Variants in FOXN3 observed in about 807,000 individuals in gnomAD.
FOXN3 encodes forkhead box N3, also known as forkhead box protein N3.
In FOXN3, 7 loss-of-function variants were observed where a neutral mutation model predicts 38.4. The ratio of observed to expected loss-of-function variants is 0.18; its 90% CI spans 0.10 to 0.34. FOXN3 has a LOEUF of 0.34. Among genes scored for constraint, FOXN3 ranks in the 10% least tolerant of loss-of-function variants. The pLI is 1.00. For synonymous variants in FOXN3, 230 were observed against 242.2 expected (o/e 0.95, Z 0.47); for missense variants, 456 against 613.4 (o/e 0.74, Z 2.71).
At chr14:89,557,680 C>A (rs188017184) in intron 1 of FOXN3, among the ~76,000 whole-genome samples, 1 of 152,270 alleles carries the variant, frequency 6.6e-6, no homozygotes, top group Non-Finnish European at 1.5e-5. Context: ...TGACACCACA[C>A]AGAGAAGAGG....
At chr14:89,174,593 C>T (rs1887472089) in intron 5 of FOXN3, among the ~76,000 whole-genome samples, 1 of 152,132 alleles carries the variant, frequency 6.6e-6, no homozygotes, top group Non-Finnish European at 1.5e-5. Context: ...AAAGGAGCCA[C>T]CAGGACTTTC....
At position 89,188,903 on chromosome 14, in the gene FOXN3, A is replaced by G. The variant is rs373691368; in HGVS notation, c.746-8097T>C. On this transcript the variant is annotated intron_variant, in intron 4 of 5. Transcript: ENST00000557258. ...CTGAAATATGAAACATCATTTAAAA[A>G]CCACACTCCAGGTTAACTGCTAGTT... Among the ~76,000 whole-genome samples the G allele has an allele frequency of 3.9e-5, 6 of 152,166 alleles. No homozygotes were observed. In the East Asian group the frequency reaches 5.8e-4, roughly 15 times the overall value.
chr14:89,388,956 T>C (rs1890862954), intron 2 of FOXN3, among the ~76,000 whole-genome samples: 1 of 151,756 alleles, frequency 6.6e-6, no homozygotes, highest in Non-Finnish European at 1.5e-5. Flanking sequence ...CAAAGTCGGG[T>C]GATCCAGAAA....
intron 3 of FOXN3, chr14:89,291,636 TCTGTGGCCGGCCACTCATGCTCTCTTC>T (rs1886876062): frequency 1.0e-5 from 5 of 481,824 alleles, no homozygotes; most frequent in South Asian, 3.2e-5. Flanking sequence ...GCAATGCAAA[TCTGTGGCCGGCCACTCATGCTCTCTTC>T]CTGTGGCCCT....
chr14:89,163,095 A>C lies in FOXN3; in HGVS notation c.852-126T>G. ...CAGTCCCTTTGTGTTCAATGGAGCC[A>C]CTCGCAAACTGTGGGGGCAACAGGT... On this transcript the variant is annotated intron_variant, in intron 5 of 5. Coordinates refer to ENST00000557258, the MANE Select transcript of FOXN3 (RefSeq NM_005197.4). This position sits in a 1 kb window ranked among gnomAD's most constrained non-coding sequence, Gnocchi z 4.3. 1 of 847,864 alleles carries C rather than the reference A, an allele frequency of 1.2e-6. No homozygotes were observed. The highest frequency in any genetic ancestry group is 1.7e-6 in the Non-Finnish European group (1 of 590,352). The allele number at this position is 847,864 out of a possible 1,614,324, so 52.5% of individuals were successfully genotyped here.
chr14:89,187,080 G>A (rs1371402585), intron 4 of FOXN3, among the ~76,000 whole-genome samples: 1 of 152,226 alleles, frequency 6.6e-6, no homozygotes, highest in East Asian at 1.9e-4. Flanking sequence ...CTAAGTGGCT[G>A]CCATCTGGTG....
At chr14:89,278,136 A>G (rs1886352185) in intron 4 of FOXN3, among the ~76,000 whole-genome samples, 1 of 152,208 alleles carries the variant, frequency 6.6e-6, no homozygotes, top group Non-Finnish European at 1.5e-5. Flanking sequence ...ATAAAGAAAA[A>G]GAGGTTTAAT....
In FOXN3 at chr14:89,201,609, G is replaced by A. The variant is rs139984447; in HGVS notation, c.746-20803C>T. Among the ~76,000 whole-genome samples the A allele has an allele frequency of 9.5e-3, 1,447 of 152,298 alleles. 10 individuals are homozygous for A. The highest frequency in any genetic ancestry group is 0.013 in the Non-Finnish European group (916 of 68,018). The stretch of plus-strand genomic sequence containing the variant: ...CAGAGGTGGGACCAGGAAGCCCCTT[G>A]AGACCACAGCCAAAGGCCCAGGGAG... On this transcript the variant is annotated intron_variant, in intron 4 of 5. Coordinates refer to ENST00000557258, the MANE Select transcript of FOXN3 (RefSeq NM_005197.4).
chr14:89,545,797 C>T (rs1894871172), intron 1 of FOXN3, among the ~76,000 whole-genome samples: 1 of 152,162 alleles, frequency 6.6e-6, no homozygotes, highest in African/African-American at 2.4e-5. Context: ...TCAAGTCCAA[C>T]ACTGGCCACC....
At chr14:89,614,999 C>T (rs1262293737) in intron 1 of FOXN3, among the ~76,000 whole-genome samples, 2 of 151,954 alleles carry the variant, frequency 1.3e-5, no homozygotes, top group East Asian at 3.9e-4. Flanking sequence ...TAAATATACT[C>T]ATTTTCAACA....
At chr14:89,216,185 T>C (rs746011160) in intron 4 of FOXN3, among the ~76,000 whole-genome samples, 7 of 151,936 alleles carry the variant, frequency 4.6e-5, no homozygotes, top group Non-Finnish European at 8.8e-5. Context: ...AGGTGTAGGG[T>C]AGGGGCTGGG....
Position 89,163,972 on chromosome 14 carries a change from T to C in FOXN3, c.852-1003A>G, listed in dbSNP as rs995570060. ...AGCACTCATCACACCTCTGATTATT[T>C]CTTTGTGTCTTTACATCTGAGCGAT... is the stretch of plus-strand genomic sequence containing the variant. On this transcript the variant is annotated intron_variant, in intron 5 of 5. Transcript: ENST00000557258. This position sits in a 1 kb window ranked among gnomAD's most constrained non-coding sequence, Gnocchi z 4.3. Among the ~76,000 whole-genome samples, 5 of 152,212 alleles carry C rather than the reference T, an allele frequency of 3.3e-5. No homozygotes were observed. Among genetic ancestry groups the C allele is most frequent in the African/African-American group, 9.6e-5 (4 of 41,458 alleles).
chr14:89,166,427 G>A (rs1887244400), intron 5 of FOXN3, among the ~76,000 whole-genome samples: 1 of 152,110 alleles, frequency 6.6e-6, no homozygotes, highest in African/African-American at 2.4e-5. Flanking sequence ...TGCCAACAGA[G>A]TCCATGACCC....
intron 4 of FOXN3, chr14:89,223,470 G>A (rs1380010738): frequency 1.3e-5 from 2 of 152,394 alleles, no homozygotes; most frequent in Non-Finnish European, 2.9e-5. Flanking sequence ...GGGCCTGCTT[G>A]TCCACCTTTG....
intron 4 of FOXN3, among the ~76,000 whole-genome samples, chr14:89,195,849 C>A (rs1888085796): frequency 6.6e-6 from 1 of 151,912 alleles, no homozygotes; most frequent in African/African-American, 2.4e-5. Flanking sequence ...GTACCTAATT[C>A]AGCAATCAGT....
At chr14:89,478,417 T>C (rs1045437509) in intron 1 of FOXN3, among the ~76,000 whole-genome samples, 4 of 152,218 alleles carry the variant, frequency 2.6e-5, no homozygotes, top group Non-Finnish European at 5.9e-5. Context: ...AAACAATGAA[T>C]GAATTCTCAA....
chr14:89,271,707 C>A (rs781259986), intron 4 of FOXN3, among the ~76,000 whole-genome samples: 2 of 151,890 alleles, frequency 1.3e-5, no homozygotes, highest in African/African-American at 2.4e-5. Flanking sequence ...TGTGTAGGAA[C>A]GAGGAGGGAA....
chr14:89,510,821 A>C (rs1894041396), intron 1 of FOXN3, among the ~76,000 whole-genome samples: 1 of 152,148 alleles, frequency 6.6e-6, no homozygotes, highest in Non-Finnish European at 1.5e-5. Context: ...GTGCGCCTGT[A>C]AATCCCAGCT....
At chr14:89,506,005 C>G in intron 1 of FOXN3, among the ~76,000 whole-genome samples, 1 of 150,986 alleles carries the variant, frequency 6.6e-6, no homozygotes, top group Non-Finnish European at 1.5e-5. Flanking sequence ...CTGGCAGCCA[C>G]CCCGTCCGGG....
Sources: allele counts gnomAD v4.1 joint callset (sites outside exome capture counted in the v4.1 genomes callset), GRCh38; gene constraint gnomAD v4.1.1; non-coding constraint Gnocchi (gnomAD v3.1); transcripts MANE v1.5; gene names NCBI Gene and HGNC (gene_info 2026-07-23, HGNC 2026-07-21).